SMG6: variants seen among roughly 807,000 people sequenced by gnomAD.
The protein encoded by SMG6 is SMG6 nonsense mediated mRNA decay factor.
SMG6 carries 66 observed loss-of-function variants against 142.2 expected under a neutral mutation model. The ratio of observed to expected loss-of-function variants is 0.46; its 90% CI spans 0.38 to 0.57. The LOEUF is 0.57. Ranked by LOEUF, SMG6 falls within the 20% of genes least tolerant of loss-of-function variation. The pLI is 0.00. For synonymous variants in SMG6, 779 were observed against 702.4 expected (o/e 1.11, Z -1.72); for missense variants, 1,793 against 1,832.0 (o/e 0.98, Z 0.39).
chr17:2,187,392 T>C (rs1244485081), intron 11 of SMG6, among the ~76,000 whole-genome samples: 1 of 152,116 alleles, frequency 6.6e-6, no homozygotes, highest in African/African-American at 2.4e-5. Flanking sequence ...ATAAAGAAAT[T>C]AGGGCAACTG....
intron 13 of SMG6, chr17:2,127,864 T>C: frequency 5.4e-6 from 3 of 559,124 alleles, no homozygotes; most frequent in South Asian, 2.8e-5. Context: ...AGCGATCTCC[T>C]GCTTCATCTT....
intron 16 of SMG6, among the ~76,000 whole-genome samples, chr17:2,067,503 G>A (rs1229771155): frequency 3.3e-5 from 5 of 152,140 alleles, no homozygotes; most frequent in South Asian, 2.1e-4. Context: ...CATATGACCC[G>A]GCAAGGCAGC....
chr17:2,120,469 T>C (rs2069653294), intron 13 of SMG6, among the ~76,000 whole-genome samples: 1 of 152,212 alleles, frequency 6.6e-6, no homozygotes, highest in Admixed American at 6.5e-5. Context: ...GGCTCACGCC[T>C]AGCACTTTGG....
chr17:2,272,357 G>A (rs1187388529), intron 8 of SMG6, among the ~76,000 whole-genome samples: 3 of 152,150 alleles, frequency 2.0e-5, no homozygotes, highest in Non-Finnish European at 2.9e-5. Flanking sequence ...GCCTCTGCCA[G>A]GGCTGGACCA....
chr17:2,275,006 C>CAA (rs57628038), intron 8 of SMG6, among the ~76,000 whole-genome samples: 3 of 115,948 alleles, frequency 2.6e-5, no homozygotes, highest in Non-Finnish European at 5.8e-5. Context: ...AAAGCATGGG[C>CAA]AAAAAAAAAA....
chr17:2,257,535 AAGTG>A, intron 8 of SMG6, among the ~76,000 whole-genome samples: 1 of 152,284 alleles, frequency 6.6e-6, no homozygotes, highest in East Asian at 1.9e-4. Flanking sequence ...ATTCCAGCCT[AAGTG>A]AGTGGGCAAA....
At chr17:2,257,086 C>CA (rs2074200149) in intron 8 of SMG6, among the ~76,000 whole-genome samples, 1 of 145,608 alleles carries the variant, frequency 6.9e-6, no homozygotes, top group Non-Finnish European at 1.5e-5. Context: ...AGGGATTCTT[C>CA]CTTTTTTTTT....
rs751745754 is a variant in SMG6, at chr17:2,282,907, A to G, written c.2449-48T>C. ...AGCTCATGGCCTGGTGTGGTGGCTC[A>G]CGCCTGTAATCCCAGCACTTAGAGA... On this transcript the variant is annotated intron_variant, in intron 7 of 18. Coordinates refer to ENST00000263073, the MANE Select transcript of SMG6 (RefSeq NM_017575.5). 15 of 1,588,984 alleles carry G rather than the reference A, an allele frequency of 9.4e-6. 1 individual carries two copies. In the South Asian group the frequency reaches 1.7e-4, roughly 18 times the overall value.
intron 4 of SMG6, among the ~76,000 whole-genome samples, chr17:2,295,212 T>C (rs185374214): frequency 2.7e-4 from 41 of 152,234 alleles, no homozygotes; most frequent in African/African-American, 8.9e-4. Flanking sequence ...AGTGTGTATG[T>C]AGTAGAAGGA....
intron 13 of SMG6, chr17:2,087,564 G>T: frequency 9.9e-7 from 1 of 1,008,180 alleles, no homozygotes; most frequent in Non-Finnish European, 1.2e-6. Flanking sequence ...CTACCCAGAA[G>T]GGCTTAGAAA....
Position 2,300,423 on chromosome 17 carries a change from T to C in SMG6, c.330A>G (p.Ile110Met), listed in dbSNP as rs1230444360. The C allele has an allele frequency of 5.0e-6, 8 of 1,614,128 alleles. No individual in the cohort carries two copies. The Admixed American group carries it at 8.3e-5, about 17-fold the overall frequency. ...CTTGTCCCCGATTATTTTCTGGGTC[T>C]ATAGGACCATTCTGCTCTTGGTTGT... is the stretch of plus-strand genomic sequence containing the variant. ...ELNNQEQNGP[I>M]DPENNRGQES... Residue 110 changes from isoleucine to methionine, a missense_variant, in exon 2 of 19, where the codon ATA becomes ATG. Physicochemically the swap from Ile to Met is conservative, Grantham distance 10. Around this residue, in one of 3 missense-constraint regions of SMG6, gnomAD observed 1,597 missense variants for 1,584.6 expected, o/e 1.01. Transcript: ENST00000263073.
At chr17:2,237,674 G>A (rs2073702037) in intron 9 of SMG6, 1 of 505,090 alleles carries the variant, frequency 2.0e-6, no homozygotes, top group African/African-American at 2.1e-5. Context: ...TCTAGCCAGT[G>A]ACCTAGGGCT....
At chr17:2,285,018 T>C (rs1191877913) in intron 6 of SMG6, among the ~76,000 whole-genome samples, 2 of 152,228 alleles carry the variant, frequency 1.3e-5, no homozygotes, top group African/African-American at 2.4e-5. Flanking sequence ...TCGGTATCTA[T>C]TGTTATGTCT....
In SMG6 at chr17:2,299,489, C is replaced by A. The variant is rs753906755; in HGVS notation, c.1264G>T (p.Ala422Ser). Residue 422 changes from alanine to serine, a missense_variant, in exon 2 of 19, where the codon GCA (alanine) becomes TCA (serine). By Grantham distance (99) the Ala-to-Ser change is moderately conservative (BLOSUM62 1). Around this residue, in one of 3 missense-constraint regions of SMG6, gnomAD observed 1,597 missense variants for 1,584.6 expected, o/e 1.01. Transcript: ENST00000263073. The surrounding 1 kb of genome is among the most constrained non-coding windows in gnomAD (Gnocchi z 4.3). Reference protein sequence around the residue: ...PAHTTLSVNSAGSPESAPLGP... With the variant: ...PAHTTLSVNSSGSPESAPLGP... ...AAAGGCGCGGACTCTGGAGAACCTGCTGAATTGACAGATAGGGTGGTATGG... is the reference window on the plus strand; with the variant it reads ...AAAGGCGCGGACTCTGGAGAACCTGATGAATTGACAGATAGGGTGGTATGG... 6.2e-7 allele frequency: 1 copy of A among 1,614,172 alleles called. No homozygotes were observed. The highest frequency in any genetic ancestry group is 8.5e-7 in the Non-Finnish European group (1 of 1,180,024).
intron 13 of SMG6, among the ~76,000 whole-genome samples, chr17:2,159,727 C>A: frequency 6.6e-6 from 1 of 152,084 alleles, no homozygotes; most frequent in East Asian, 1.9e-4. Flanking sequence ...CATTAATGTT[C>A]ACAGTATCTT....
At chr17:2,141,351 T>C (rs7503141) in intron 13 of SMG6, among the ~76,000 whole-genome samples, 52,955 of 152,132 alleles carry the variant, frequency 0.35, 9,972 homozygotes, top group African/African-American at 0.49. Flanking sequence ...GTGTGTCAGA[T>C]ATAGAAAAAA....
At chr17:2,294,604 C>T (rs990872887) in intron 4 of SMG6, among the ~76,000 whole-genome samples, 1 of 152,226 alleles carries the variant, frequency 6.6e-6, no homozygotes, top group Non-Finnish European at 1.5e-5. Flanking sequence ...TACACATACA[C>T]CTTCACCTGG....
intron 13 of SMG6, among the ~76,000 whole-genome samples, chr17:2,130,266 C>T (rs76222683): frequency 7.6e-5 from 3 of 39,534 alleles, no homozygotes; most frequent in African/African-American, 4.7e-4. Flanking sequence ...GACTCCGTCT[C>T]AAAAAAAAAA....
At chr17:2,257,274 C>T (rs568167656) in intron 8 of SMG6, among the ~76,000 whole-genome samples, 8 of 152,014 alleles carry the variant, frequency 5.3e-5, no homozygotes, top group African/African-American at 1.4e-4. Context: ...TCAGCAGAGA[C>T]GGGATTTCAC....
Sources: gnomAD v4.1 joint callset for allele counts (sites outside exome capture counted in the v4.1 genomes callset) on GRCh38, gnomAD v4.1.1 for gene constraint, gnomAD v4.1.1 regional missense constraint, Gnocchi (gnomAD v3.1) non-coding constraint, MANE v1.5 for transcripts, NCBI Gene and HGNC (gene_info 2026-07-23, HGNC 2026-07-21) for gene names.